The following NUP133 variants were observed in gnomAD, a reference collection of about 807,000 sequenced individuals.
NUP133 encodes the protein nuclear pore complex protein Nup133.
Under a neutral mutation model 146.2 loss-of-function variants are expected in NUP133, and 66 were observed. That is an observed-to-expected ratio of 0.45 (90% CI 0.37 to 0.55). NUP133 has a LOEUF of 0.55. Among genes scored for constraint, NUP133 ranks in the 20% least tolerant of loss-of-function variants. The pLI, the probability that NUP133 is intolerant of heterozygous loss-of-function variation, is 0.00. For synonymous variants in NUP133, 521 were observed against 498.8 expected, an observed-to-expected ratio of 1.04 and a Z score of -0.59; for missense variants, 1,277 against 1,374.8, an observed-to-expected ratio of 0.93 and a Z score of 1.12.
intron 12 of NUP133, among the ~76,000 whole-genome samples, chr1:229,480,700 T>C (rs565428501): frequency 4.6e-5 from 7 of 152,270 alleles, no homozygotes; most frequent in Admixed American, 4.6e-4. Context: ...AGGAAGTGGC[T>C]GGTGATGCTG....
intron 9 of NUP133, among the ~76,000 whole-genome samples, chr1:229,489,494 G>A (rs1415855979): frequency 6.6e-6 from 1 of 152,178 alleles, no homozygotes; most frequent in Non-Finnish European, 1.5e-5. Flanking sequence ...AGCCTGAGAT[G>A]GCAAAGAAAA....
chr1:229,467,317 T>C (rs909930014), intron 15 of NUP133, among the ~76,000 whole-genome samples: 5 of 152,222 alleles, frequency 3.3e-5, no homozygotes, highest in Non-Finnish European at 7.3e-5. Context: ...AAACTCCTGT[T>C]TCAAGTTCAA....
intron 20 of NUP133, among the ~76,000 whole-genome samples, chr1:229,458,514 C>A (rs961245032): frequency 5.3e-5 from 8 of 152,140 alleles, no homozygotes; most frequent in African/African-American, 1.7e-4. Flanking sequence ...AAGAGACATG[C>A]ACAAAACATT....
At chr1:229,487,838 A>ATTTTTTTTTTTTT (rs10565327) in intron 9 of NUP133, among the ~76,000 whole-genome samples, 3 of 118,150 alleles carry the variant, frequency 2.5e-5, no homozygotes, top group East Asian at 2.4e-4. Context: ...TGCTTTTTTA[A>ATTTTTTTTTTTTT]TTTTTTTTTT....
At chr1:229,506,188 TG>T (rs750941623) in intron 1 of NUP133, 30 bp from the exon 2 acceptor site, 248 of 1,290,898 alleles carry the variant, frequency 1.9e-4, no homozygotes, top group Non-Finnish European at 2.6e-4. Flanking sequence ...TTACCTTACT[TG>T]TAACTTAAAA....
At chr1:229,469,550 C>G (rs1455128561) in intron 15 of NUP133, among the ~76,000 whole-genome samples, 1 of 152,146 alleles carries the variant, frequency 6.6e-6, no homozygotes, top group Non-Finnish European at 1.5e-5. Context: ...TGGGGCAGCA[C>G]CCTAGGATGA....
intron 19 of NUP133, 114 bp from the exon 20 acceptor site, chr1:229,460,883 AT>A: frequency 1.3e-6 from 1 of 772,536 alleles, no homozygotes; most frequent in Non-Finnish European, 2.1e-6. Flanking sequence ...GTTCTAAACA[AT>A]AATTTCCTAT....
At chr1:229,445,909 T>C (rs1409508405) in intron 24 of NUP133, among the ~76,000 whole-genome samples, 1 of 152,188 alleles carries the variant, frequency 6.6e-6, no homozygotes, top group Non-Finnish European at 1.5e-5. Flanking sequence ...AAAATAGCTC[T>C]TCTATAATAT....
intron 25 of NUP133, 48 bp from the exon 26 acceptor site, chr1:229,442,088 T>C (rs1660196480): frequency 6.6e-7 from 1 of 1,513,166 alleles, no homozygotes; most frequent in Admixed American, 2.6e-5. Context: ...TATAAAATGC[T>C]CAAATGAATT....
chr1:229,505,018 CATG>C (rs1419563712), intron 2 of NUP133, among the ~76,000 whole-genome samples: 7 of 152,156 alleles, frequency 4.6e-5, no homozygotes, highest in Admixed American at 3.9e-4. Flanking sequence ...TTTCTTAAAA[CATG>C]ATAAGATTTA....
chr1:229,503,414 T>C (rs977255888), intron 2 of NUP133, among the ~76,000 whole-genome samples: 1 of 152,204 alleles, frequency 6.6e-6, no homozygotes, highest in African/African-American at 2.4e-5. Flanking sequence ...AAGCACATAA[T>C]TTTCAAATAA....
intron 1 of NUP133, 68 bp downstream of exon 1, chr1:229,508,000 C>T (rs2102791398): frequency 7.3e-6 from 10 of 1,378,558 alleles, no homozygotes; most frequent in Non-Finnish European, 9.5e-6. Flanking sequence ...CTAAAGACAA[C>T]AACCTATCCG....
chr1:229,486,666 G>C (rs892855358), intron 10 of NUP133, 138 bp from the exon 11 acceptor site: 2 of 717,532 alleles, frequency 2.8e-6, no homozygotes, highest in Admixed American at 7.3e-5. Context: ...GTCCTACTTC[G>C]AACTCATCCT....
At chr1:229,495,710 G>T in intron 7 of NUP133, 145 bp from the exon 8 acceptor site, 1 of 880,214 alleles carries the variant, frequency 1.1e-6, no homozygotes. Context: ...CGCTAAGCAA[G>T]TAAACCAATG....
At chr1:229,494,800 C>G (rs1250278323) in intron 8 of NUP133, among the ~76,000 whole-genome samples, 5 of 152,100 alleles carry the variant, frequency 3.3e-5, no homozygotes, top group African/African-American at 1.2e-4. Flanking sequence ...GCTCCCTGAG[C>G]AACAGAAAGA....
At chr1:229,457,121 C>T (rs1363310243) in intron 21 of NUP133, among the ~76,000 whole-genome samples, 1 of 152,110 alleles carries the variant, frequency 6.6e-6, no homozygotes, top group Non-Finnish European at 1.5e-5. Flanking sequence ...GCCACCAAAC[C>T]CAGCTGATGT....
At chr1:229,452,460 G>T in intron 22 of NUP133, 65 bp downstream of exon 22, 2 of 1,257,940 alleles carry the variant, frequency 1.6e-6, no homozygotes, top group Non-Finnish European at 2.3e-6. Flanking sequence ...ATACTACATG[G>T]CCCAACAAAC....
chr1:229,499,586 T>C, intron 5 of NUP133, 98 bp downstream of exon 5: 1 of 1,310,220 alleles, frequency 7.6e-7, no homozygotes, highest in Non-Finnish European at 1.0e-6. Context: ...CTGGGCAACA[T>C]AAGGAGATCC....
chr1:229,466,450 T>A (rs1371411788), intron 16 of NUP133, among the ~76,000 whole-genome samples, 184 bp downstream of exon 16: 2 of 152,352 alleles, frequency 1.3e-5, no homozygotes, highest in East Asian at 3.9e-4. Flanking sequence ...GGCACCAGGC[T>A]AACATTCAAA....
Sources: allele counts gnomAD v4.1 joint callset (sites outside exome capture counted in the v4.1 genomes callset), GRCh38; gene constraint gnomAD v4.1.1; transcripts MANE v1.5; gene names NCBI Gene and HGNC (gene_info 2026-07-23, HGNC 2026-07-21).